Variants in CRTAC1 observed in about 807,000 individuals in gnomAD.
The protein encoded by CRTAC1 is acidic secreted protein in cartilage.
A neutral mutation model predicts 67.8 loss-of-function variants in CRTAC1; 37 were observed. That is an observed-to-expected ratio of 0.55 (90% CI 0.42 to 0.72). The LOEUF (loss-of-function observed/expected upper bound fraction) is 0.72. CRTAC1 is among the 30% of genes least tolerant of loss of function. The pLI is 0.00. For missense variants in CRTAC1, 780 were observed against 931.6 expected, an observed-to-expected ratio of 0.84 and a Z score of 2.12; for synonymous variants, 348 against 371.0, an observed-to-expected ratio of 0.94 and a Z score of 0.71.
At chr10:98,008,276 C>T (rs1025309616) in intron 2 of CRTAC1, among the ~76,000 whole-genome samples, 7 of 152,228 alleles carry the variant, frequency 4.6e-5, no homozygotes, top group Admixed American at 3.9e-4. Flanking sequence ...GAGAGAGATG[C>T]TGTGGAAAGG....
At chr10:97,920,383 T>C (rs1590209643) in intron 4 of CRTAC1, among the ~76,000 whole-genome samples, 2 of 152,330 alleles carry the variant, frequency 1.3e-5, no homozygotes, top group South Asian at 4.1e-4. Flanking sequence ...CCATGGTAAT[T>C]CTGGGAGGGT....
chr10:97,957,971 G>C (rs1372632483), intron 2 of CRTAC1, among the ~76,000 whole-genome samples: 1 of 152,152 alleles, frequency 6.6e-6, no homozygotes, highest in Non-Finnish European at 1.5e-5. Context: ...GGGCTGCACA[G>C]GGGAAAGTCT....
chr10:97,949,020 T>C (rs1305015228), intron 2 of CRTAC1, among the ~76,000 whole-genome samples: 1 of 152,084 alleles, frequency 6.6e-6, no homozygotes, highest in East Asian at 1.9e-4. Flanking sequence ...ACATGGAGAT[T>C]ATGGGAACTG....
intron 1 of CRTAC1, among the ~76,000 whole-genome samples, chr10:98,029,000 A>G (rs529251124): frequency 6.6e-5 from 10 of 152,304 alleles, no homozygotes; most frequent in Admixed American, 4.6e-4. Context: ...CCTCTGTGCC[A>G]TCATCAAGAC....
chr10:97,976,425 C>T lies in CRTAC1; in HGVS notation c.224+34713G>A, dbSNP rs1174645698. Among the ~76,000 whole-genome samples the T allele has an allele frequency of 2.0e-5, 3 of 152,134 alleles. No individual in the cohort carries two copies. In the East Asian group the frequency reaches 5.8e-4, roughly 29 times the overall value. On this transcript the variant is annotated intron_variant, in intron 2 of 14. Transcript: ENST00000370597. ...ATCTTGCTAGGCTTCACCTGTCTCA[C>T]CTATAAAGTGGAAATCACATGCATC...
At chr10:97,898,186 C>A (rs1311879124) in intron 8 of CRTAC1, among the ~76,000 whole-genome samples, 1 of 152,202 alleles carries the variant, frequency 6.6e-6, no homozygotes. Flanking sequence ...TCATTGAACA[C>A]ATTCTTAGGC....
At chr10:97,947,407 A>G (rs901843868) in intron 2 of CRTAC1, among the ~76,000 whole-genome samples, 10 of 152,240 alleles carry the variant, frequency 6.6e-5, no homozygotes, top group African/African-American at 2.2e-4. Context: ...AAGGATGTAT[A>G]GGATTTTAGT....
At chr10:97,907,382 G>A (rs1278305970) in intron 6 of CRTAC1, among the ~76,000 whole-genome samples, 1 of 151,360 alleles carries the variant, frequency 6.6e-6, no homozygotes, top group Non-Finnish European at 1.5e-5. Flanking sequence ...CCAGGCAGAG[G>A]CCATGGCAAG....
intron 2 of CRTAC1, among the ~76,000 whole-genome samples, chr10:97,943,560 C>A (rs2051212299): frequency 6.6e-6 from 1 of 152,224 alleles, no homozygotes; most frequent in African/African-American, 2.4e-5. Context: ...TTGTTGGTCA[C>A]TTTGATACTC....
chr10:97,901,666 T>C (rs929812758), intron 7 of CRTAC1, 27 bp from the exon 8 acceptor site: 12 of 1,613,548 alleles, frequency 7.4e-6, no homozygotes, highest in Middle Eastern at 3.3e-4. Flanking sequence ...TGGGGGTCAG[T>C]GGCAGGAGAG....
In CRTAC1 at chr10:98,029,798, G is replaced by T. The variant is rs576274263; in HGVS notation, c.24+651C>A. Among the ~76,000 whole-genome samples, 1 of 152,204 alleles carries T rather than the reference G, an allele frequency of 6.6e-6. No homozygotes were observed. The highest frequency in any genetic ancestry group is 1.5e-5 in the Non-Finnish European group (1 of 68,024). The stretch of plus-strand genomic sequence containing the variant: ...CCCACGGGGTCGAGGAGGACTCAGG[G>T]TTCCCCTGGAATGCCTGAAGCCGGC... On this transcript the variant is annotated intron_variant, in intron 1 of 14. Transcript: ENST00000370597. The surrounding 1 kb of genome is among the most constrained non-coding windows in gnomAD (Gnocchi z 4.7).
chr10:97,978,965 C>T (rs1366830862), intron 2 of CRTAC1, among the ~76,000 whole-genome samples: 3 of 152,100 alleles, frequency 2.0e-5, no homozygotes, highest in African/African-American at 7.2e-5. Context: ...TTGATGAATT[C>T]ACACTGCTGT....
At chr10:97,914,088 G>A (rs1016773328) in intron 5 of CRTAC1, among the ~76,000 whole-genome samples, 1 of 152,196 alleles carries the variant, frequency 6.6e-6, no homozygotes, top group Non-Finnish European at 1.5e-5. Flanking sequence ...CAAAGGGTGA[G>A]GCCAAAATGC....
chr10:97,913,291 G>C (rs1400420956), intron 5 of CRTAC1, among the ~76,000 whole-genome samples: 1 of 152,170 alleles, frequency 6.6e-6, no homozygotes, highest in Non-Finnish European at 1.5e-5. Flanking sequence ...GGAGCCTTCA[G>C]AGCCTGGGCA....
chr10:97,879,562 T>C, intron 14 of CRTAC1: 1 of 1,290,364 alleles, frequency 7.7e-7, no homozygotes, highest in Non-Finnish European at 1.0e-6. Flanking sequence ...CTGTTGTCCA[T>C]TCAGAGGGAG....
rs192762073 is a variant in CRTAC1, at chr10:97,925,915, T to C, written c.422-2515A>G. Among the ~76,000 whole-genome samples the C allele has an allele frequency of 3.9e-5, 6 of 152,172 alleles. No individual in the cohort carries two copies. The East Asian group carries it at 1.2e-3, about 29-fold the overall frequency. On this transcript the variant is annotated intron_variant, in intron 3 of 14. Coordinates refer to ENST00000370597, the MANE Select transcript of CRTAC1 (RefSeq NM_018058.7). ...TCCACCCAGGAGAGGACAAAAGGGT[T>C]GGTCTCTGAGGGGGCCTCACGTTGG...
At chr10:98,000,889 T>C (rs2136683487) in intron 2 of CRTAC1, among the ~76,000 whole-genome samples, 2 of 152,314 alleles carry the variant, frequency 1.3e-5, no homozygotes, top group African/African-American at 4.8e-5. Context: ...CAAAAGGACA[T>C]AGACATGGTC....
intron 2 of CRTAC1, among the ~76,000 whole-genome samples, chr10:97,937,074 G>A (rs1031454975): frequency 6.6e-6 from 1 of 152,210 alleles, no homozygotes; most frequent in African/African-American, 2.4e-5. Flanking sequence ...CACGTCTAAA[G>A]TTATTAGACA....
chr10:97,990,448 G>A (rs1470728394), intron 2 of CRTAC1, among the ~76,000 whole-genome samples: 1 of 152,036 alleles, frequency 6.6e-6, no homozygotes, highest in Non-Finnish European at 1.5e-5. Flanking sequence ...ATTATCCAGG[G>A]GCTGATTAAT....
Sources: allele counts gnomAD v4.1 joint callset (sites outside exome capture counted in the v4.1 genomes callset), GRCh38; gene constraint gnomAD v4.1.1; non-coding constraint Gnocchi (gnomAD v3.1); transcripts MANE v1.5; gene names NCBI Gene and HGNC (gene_info 2026-07-23, HGNC 2026-07-21).